Variants in PAK3 observed in about 807,000 individuals in gnomAD.
PAK3 encodes the protein p21 (RAC1) activated kinase 3.
A neutral mutation model predicts 41.0 loss-of-function variants in PAK3; 4 were observed. The observed-to-expected ratio is 0.10, with a 90% CI of 0.05 to 0.22. PAK3 has a LOEUF of 0.22. Among genes scored for constraint, PAK3 ranks in the 10% least tolerant of loss-of-function variants. The pLI, the probability that PAK3 is intolerant of heterozygous loss-of-function variation, is 1.00. For missense variants in PAK3, 205 were observed against 409.9 expected (o/e 0.50, Z 4.32); for synonymous variants, 146 against 139.6 (o/e 1.05, Z -0.32).
rs774475662 is a variant in PAK3, at chrX:111,059,778, C to T, written c.-27-63299C>T. On this transcript the variant is annotated intron_variant, in intron 1 of 14. Coordinates refer to the PAK3 transcript ENST00000425146. ...TCATAGAAATATAATTGTTTTTCTG[C>T]TAATCTTATATCCTGCAACCTTGCT... Among the ~76,000 whole-genome samples the T allele has an allele frequency of 8.9e-5, 10 of 111,899 alleles. No individual in the cohort carries two copies. In the South Asian group the frequency reaches 3.7e-3, roughly 42 times the overall value.
intron 5 of PAK3, among the ~76,000 whole-genome samples, chrX:111,139,578 G>A (rs2093842839): frequency 8.9e-6 from 1 of 112,120 alleles, no homozygotes; most frequent in East Asian, 2.8e-4. Flanking sequence ...AACACCAGAA[G>A]AGGAGCAAAC....
At position 111,227,251 on chromosome X, in the gene PAK3, C is replaced by T. The variant is rs2094957560; in HGVS notation, c.*6804C>T. 1 of 111,964 alleles carries T rather than the reference C, an allele frequency of 8.9e-6. No individual in the cohort carries two copies. The highest frequency in any genetic ancestry group is 3.3e-5 in the African/African-American group (1 of 30,719). 9.2% of individuals were successfully genotyped at this position (111,964 alleles called of 1,213,427 possible). On this transcript the variant is annotated 3_prime_UTR_variant, in exon 18 of 18. Coordinates refer to ENST00000372007, the MANE Select transcript of PAK3 (RefSeq NM_002578.5). ...TTGTTATTTTAAATTGTGGTTGAAG[C>T]AATAGAAAATTGAAATATGGATTGT...
intron 11 of PAK3, among the ~76,000 whole-genome samples, chrX:111,183,162 C>T (rs1039204004): frequency 2.7e-5 from 3 of 111,433 alleles, no homozygotes; most frequent in South Asian, 3.8e-4. Flanking sequence ...ATTGTGCAAC[C>T]TTAGGCAACC....
intron 16 of PAK3, among the ~76,000 whole-genome samples, chrX:111,215,409 C>T (rs914541097): frequency 2.7e-5 from 3 of 110,930 alleles, no homozygotes; most frequent in Admixed American, 1.9e-4. Context: ...CATGGTGACG[C>T]GTGCCTGTAA....
chrX:110,962,975 G>A (rs749868773), intron 1 of PAK3, among the ~76,000 whole-genome samples: 2 of 111,517 alleles, frequency 1.8e-5, no homozygotes, highest in East Asian at 5.7e-4. Context: ...GTGACCTTTT[G>A]TGTGTTGTAA....
At chrX:111,135,728 G>A (rs940011746) in intron 5 of PAK3, among the ~76,000 whole-genome samples, 1 of 111,648 alleles carries the variant, frequency 9.0e-6, no homozygotes, top group East Asian at 2.8e-4. Flanking sequence ...ATTGGTCAAG[G>A]AGGAGGCTAA....
chrX:111,195,258 A>G (rs1260764965), intron 14 of PAK3, among the ~76,000 whole-genome samples: 1 of 109,401 alleles, frequency 9.1e-6, no homozygotes, highest in Non-Finnish European at 1.9e-5. Context: ...CATATCCACC[A>G]AACATATATG....
chrX:111,219,040 A>C (rs2404701), intron 17 of PAK3, among the ~76,000 whole-genome samples: 1 of 108,096 alleles, frequency 9.3e-6, no homozygotes, highest in Non-Finnish European at 1.9e-5. Flanking sequence ...AAATACAAAA[A>C]TTAGCCAGGC....
In PAK3 at chrX:110,962,204, T is replaced by G. The variant is rs183445485; in HGVS notation, c.-28+17576T>G. ...CTATGGACTGCCTCTGCCTAGAAAT[T>G]CTGCAGGAACCTCAAAGCAGTGTGT... On this transcript the variant is annotated intron_variant, in intron 1 of 14. Transcript: ENST00000425146. Among the ~76,000 whole-genome samples, 314 of 112,134 alleles carry G rather than the reference T, an allele frequency of 2.8e-3. 1 individual carries two copies. The highest frequency in any genetic ancestry group is 4.5e-3 in the Non-Finnish European group (242 of 53,254).
chrX:110,959,194 A>G (rs2090928164), intron 1 of PAK3, among the ~76,000 whole-genome samples: 1 of 111,614 alleles, frequency 9.0e-6, no homozygotes, highest in Non-Finnish European at 1.9e-5. Context: ...AGTAGCCTAA[A>G]AGCCTGAGTT....
At position 111,159,879 on chromosome X, in the gene PAK3, T is replaced by C. The variant is rs1347688225; in HGVS notation, c.469-3036T>C. Among the ~76,000 whole-genome samples, 3 of 112,390 alleles carry C rather than the reference T, an allele frequency of 2.7e-5. No homozygotes were observed. The Admixed American group carries it at 2.8e-4, about 11-fold the overall frequency. On this transcript the variant is annotated intron_variant, in intron 8 of 17. Coordinates refer to ENST00000372007, the MANE Select transcript of PAK3 (RefSeq NM_002578.5). Reference sequence around the variant, plus strand: ...TAAAATATTCTTTCAAATGCTTGTTTATAAATTCTAGGTTGGCTTTCTTCT... The same window carrying C: ...TAAAATATTCTTTCAAATGCTTGTTCATAAATTCTAGGTTGGCTTTCTTCT...
intron 1 of PAK3, among the ~76,000 whole-genome samples, chrX:110,953,960 C>T (rs1053024524): frequency 1.8e-5 from 2 of 112,001 alleles, no homozygotes; most frequent in African/African-American, 6.5e-5. Flanking sequence ...CCTTTGAATC[C>T]TATTTCAAAT....
chrX:111,091,322 C>T (rs751096784), upstream of PAK3, among the ~76,000 whole-genome samples: 8 of 111,349 alleles, frequency 7.2e-5, no homozygotes, highest in Middle Eastern at 4.7e-3. Context: ...TATGTAAATG[C>T]GACTCATCAA....
chrX:111,206,410 A>G (rs1490103977), intron 16 of PAK3, among the ~76,000 whole-genome samples: 1 of 111,767 alleles, frequency 8.9e-6, no homozygotes, highest in Non-Finnish European at 1.9e-5. Context: ...AGCAAGCATT[A>G]TTAGTTCTGA....
At position 111,051,354 on chromosome X, in the gene PAK3, C is replaced by T. The variant is rs185498770; in HGVS notation, c.-27-71723C>T. On this transcript the variant is annotated intron_variant, in intron 1 of 14. Coordinates refer to the PAK3 transcript ENST00000425146. ...GAGTCTTTGAGATTTTATTGATTAA[C>T]TCAGCTTGTCTAGCGGAAGCCTTTC... 2.3e-3 allele frequency among the ~76,000 whole-genome samples: 255 copies of T among 111,707 alleles called. 4 individuals are homozygous for T. Among genetic ancestry groups the T allele is most frequent in the Non-Finnish European group, 3.2e-3 (172 of 53,177 alleles).
intron 9 of PAK3, 116 bp from the exon 10 acceptor site, chrX:111,163,446 T>C: frequency 1.7e-6 from 1 of 598,481 alleles, no homozygotes; most frequent in Non-Finnish European, 2.8e-6. Flanking sequence ...CAAAGTCCTT[T>C]TTTTTTTTAA....
At chrX:111,076,048 G>T (rs1362966402) in intron 1 of PAK3, among the ~76,000 whole-genome samples, 3 of 112,386 alleles carry the variant, frequency 2.7e-5, no homozygotes, top group African/African-American at 9.7e-5. Flanking sequence ...TACCGCCATT[G>T]TACCTTGGGA....
chrX:111,125,713 G>T (rs144010855), intron 5 of PAK3, among the ~76,000 whole-genome samples: 1 of 111,304 alleles, frequency 9.0e-6, no homozygotes, highest in Non-Finnish European at 1.9e-5. Flanking sequence ...TAATACTGTT[G>T]CTGGACAGCT....
At chrX:111,108,380 A>G (rs898443272) in intron 4 of PAK3, among the ~76,000 whole-genome samples, 1 of 112,075 alleles carries the variant, frequency 8.9e-6, no homozygotes, top group African/African-American at 3.2e-5. Context: ...TCCAAGAGAC[A>G]GCTTAAGACA....
Sources: gnomAD v4.1 joint callset for allele counts (sites outside exome capture counted in the v4.1 genomes callset) on GRCh38, gnomAD v4.1.1 for gene constraint, MANE v1.5 for transcripts, NCBI Gene and HGNC (gene_info 2026-07-23, HGNC 2026-07-21) for gene names.